The following PHLPP1 variants were observed in gnomAD, a reference collection of about 807,000 sequenced individuals.
PHLPP1 encodes PH domain leucine-rich repeat-containing protein phosphatase 1.
A neutral mutation model predicts 117.2 loss-of-function variants in PHLPP1; 42 were observed. The ratio of observed to expected loss-of-function variants is 0.36; its 90% CI spans 0.28 to 0.46. PHLPP1 has a LOEUF of 0.46. Among genes scored for constraint, PHLPP1 ranks in the 20% least tolerant of loss-of-function variants. The pLI is 1.00. For missense variants in PHLPP1, 2,084 were observed against 2,241.9 expected (o/e 0.93, Z 1.42); for synonymous variants, 1,042 against 970.7 (o/e 1.07, Z -1.37).
chr18:62,924,882 T>G (rs1347031459), intron 10 of PHLPP1, among the ~76,000 whole-genome samples: 2 of 150,900 alleles, frequency 1.3e-5, no homozygotes, highest in African/African-American at 4.9e-5. Context: ...TAGTATATAT[T>G]AATCTGCTAT....
chr18:62,971,103 C>T (rs564211761), intron 14 of PHLPP1, among the ~76,000 whole-genome samples: 1 of 152,196 alleles, frequency 6.6e-6, no homozygotes, highest in African/African-American at 2.4e-5. Flanking sequence ...CTGTTGGGCA[C>T]GTCCTGGTTT....
At chr18:62,870,039 C>G (rs969484375) in intron 4 of PHLPP1, among the ~76,000 whole-genome samples, 1 of 152,098 alleles carries the variant, frequency 6.6e-6, no homozygotes, top group African/African-American at 2.4e-5. Context: ...ACTACAGGTG[C>G]GCGCCAACAC....
intron 1 of PHLPP1, among the ~76,000 whole-genome samples, chr18:62,744,047 G>A (rs965704043): frequency 1.3e-5 from 2 of 152,230 alleles, no homozygotes; most frequent in African/African-American, 2.4e-5. Flanking sequence ...GCTCACAGGT[G>A]TGTTTTGTTT....
intron 1 of PHLPP1, among the ~76,000 whole-genome samples, chr18:62,755,270 A>T (rs1297389426): frequency 6.6e-6 from 1 of 151,942 alleles, no homozygotes; most frequent in Non-Finnish European, 1.5e-5. Context: ...TGATCCTGTC[A>T]TGCTCTGTCA....
intron 4 of PHLPP1, among the ~76,000 whole-genome samples, chr18:62,882,353 CT>C (rs1319329482): frequency 6.6e-6 from 1 of 151,622 alleles, no homozygotes; most frequent in Non-Finnish European, 1.5e-5. Context: ...ACTGCAAGCT[CT>C]GCCTCCCAGG....
At chr18:62,897,649 A>G (rs779460925) in intron 6 of PHLPP1, among the ~76,000 whole-genome samples, 7 of 152,016 alleles carry the variant, frequency 4.6e-5, no homozygotes, top group Admixed American at 2.0e-4. Flanking sequence ...TGGGATTACA[A>G]GTGCCCGCCA....
At chr18:62,843,478 A>G (rs1376281218) in intron 3 of PHLPP1, among the ~76,000 whole-genome samples, 2 of 152,182 alleles carry the variant, frequency 1.3e-5, no homozygotes, top group African/African-American at 4.8e-5. Context: ...TATTAATCAG[A>G]TGTGTTCTAC....
intron 3 of PHLPP1, among the ~76,000 whole-genome samples, chr18:62,857,100 G>T (rs1426925967): frequency 6.1e-4 from 4 of 6,554 alleles, no homozygotes. Context: ...CATGTTGAAT[G>T]AATGAAAATG....
chr18:62,833,181 C>G (rs1010170034), intron 2 of PHLPP1, among the ~76,000 whole-genome samples: 14 of 152,272 alleles, frequency 9.2e-5, no homozygotes, highest in African/African-American at 3.1e-4. Context: ...TCAAGCGATT[C>G]TCCTGCCTCA....
intron 4 of PHLPP1, among the ~76,000 whole-genome samples, chr18:62,875,953 G>A (rs1916040233): frequency 1.3e-5 from 2 of 151,872 alleles, no homozygotes; most frequent in Non-Finnish European, 2.9e-5. Flanking sequence ...GGCTGGTCTC[G>A]AACTCCTGAC....
At chr18:62,930,567 C>T (rs765891887) in intron 10 of PHLPP1, among the ~76,000 whole-genome samples, 3 of 152,098 alleles carry the variant, frequency 2.0e-5, no homozygotes, top group Non-Finnish European at 2.9e-5. Flanking sequence ...ATTTATAAAA[C>T]GAATACCAGA....
intron 8 of PHLPP1, among the ~76,000 whole-genome samples, chr18:62,912,302 T>TAAA (rs36028962): frequency 4.6e-5 from 6 of 131,504 alleles, no homozygotes; most frequent in South Asian, 2.3e-4. Flanking sequence ...TAGAGTATAA[T>TAAA]AAAAAAAAAA....
At position 62,873,967 on chromosome 18, in the gene PHLPP1, G is replaced by A. The variant is rs182230398; in HGVS notation, c.2066+13366G>A. Among the ~76,000 whole-genome samples the A allele has an allele frequency of 2.9e-3, 430 of 146,730 alleles. 1 individual carries two copies. Among genetic ancestry groups the A allele is most frequent in the African/African-American group, 0.01 (399 of 39,560 alleles). Reference sequence around the variant, plus strand: ...TGGGGGGCCAAGGCAGGTGGATCACGAGATCAGCAGTTCAAGACCAGCCTG... The same window carrying A: ...TGGGGGGCCAAGGCAGGTGGATCACAAGATCAGCAGTTCAAGACCAGCCTG... On this transcript the variant is annotated intron_variant, in intron 4 of 16. Coordinates refer to ENST00000262719, the MANE Select transcript of PHLPP1 (RefSeq NM_194449.4).
intron 2 of PHLPP1, chr18:62,832,174 C>G (rs1026116237): frequency 6.6e-6 from 1 of 152,122 alleles, no homozygotes; most frequent in Non-Finnish European, 1.5e-5. Context: ...CTTGGCACCC[C>G]AGAAATACTA....
At chr18:62,954,590 C>A in intron 12 of PHLPP1, among the ~76,000 whole-genome samples, 1 of 152,096 alleles carries the variant, frequency 6.6e-6, no homozygotes, top group East Asian at 1.9e-4. Flanking sequence ...CACCAGATAC[C>A]AACATCCTGT....
chr18:62,944,593 A>G (rs1470028127), intron 11 of PHLPP1, among the ~76,000 whole-genome samples: 2 of 152,116 alleles, frequency 1.3e-5, no homozygotes, highest in Non-Finnish European at 2.9e-5. Flanking sequence ...CCTTACCACC[A>G]CTTTGTATTC....
intron 16 of PHLPP1, among the ~76,000 whole-genome samples, chr18:62,976,967 T>A (rs1350380181): frequency 6.6e-6 from 1 of 152,174 alleles, no homozygotes; most frequent in African/African-American, 2.4e-5. Flanking sequence ...TGGTGGAAGC[T>A]TCATTGCTCA....
intron 1 of PHLPP1, among the ~76,000 whole-genome samples, chr18:62,815,946 A>C (rs1444288074): frequency 6.6e-6 from 1 of 152,196 alleles, no homozygotes; most frequent in African/African-American, 2.4e-5. Context: ...TTTTCTGTTA[A>C]TACTCTATGG....
rs1911316788 is a variant in PHLPP1, at chr18:62,979,551, C to T, written c.*120C>T. The T allele has an allele frequency of 9.0e-7, 1 of 1,108,378 alleles. No homozygotes were observed. 68.7% of individuals were successfully genotyped at this position (1,108,378 alleles called of 1,614,324 possible). A position where few individuals can be genotyped will look rare whatever the true frequency, so the allele number is the denominator to read the frequency against. ...CCTTCCCCCAGACACTGTTCCCAACCTGTCATCGCAGCTAATCTGTAGGTT... is the reference window on the plus strand; with the variant it reads ...CCTTCCCCCAGACACTGTTCCCAACTTGTCATCGCAGCTAATCTGTAGGTT... On this transcript the variant is annotated 3_prime_UTR_variant, in exon 17 of 17. Transcript: ENST00000262719.
Sources: gnomAD v4.1 joint callset for allele counts (sites outside exome capture counted in the v4.1 genomes callset) on GRCh38, gnomAD v4.1.1 for gene constraint, MANE v1.5 for transcripts, NCBI Gene and HGNC (gene_info 2026-07-23, HGNC 2026-07-21) for gene names.